Variants in NRCAM observed in about 807,000 individuals in gnomAD.
NRCAM encodes the protein NgCAM-related cell adhesion molecule.
In NRCAM, 83 loss-of-function variants were observed where a neutral mutation model predicts 156.5. The observed-to-expected ratio is 0.53, with a 90% CI of 0.44 to 0.64. NRCAM has a LOEUF of 0.64. Ranked by LOEUF, NRCAM falls within the 30% of genes least tolerant of loss-of-function variation. The pLI is 0.00. For synonymous variants in NRCAM, 538 were observed against 563.9 expected (o/e 0.95, Z 0.65); for missense variants, 1,417 against 1,597.3 (o/e 0.89, Z 1.92).
At chr7:108,445,415 C>T (rs1843126712) in intron 1 of NRCAM, among the ~76,000 whole-genome samples, 1 of 152,128 alleles carries the variant, frequency 6.6e-6, no homozygotes, top group African/African-American at 2.4e-5. Context: ...AGTGCAAGAC[C>T]ACTTCATTTA....
intron 1 of NRCAM, among the ~76,000 whole-genome samples, chr7:108,403,699 T>C (rs978353379): frequency 1.3e-5 from 2 of 152,158 alleles, no homozygotes; most frequent in Non-Finnish European, 2.9e-5. Flanking sequence ...GTTGAGATAA[T>C]TGGTAACATG....
In NRCAM at chr7:108,188,029, C is replaced by T. The variant is rs531095328; in HGVS notation, c.2035+1616G>A. On this transcript the variant is annotated intron_variant, in intron 20 of 32. Coordinates refer to ENST00000379028, the MANE Select transcript of NRCAM (RefSeq NM_001037132.4). Reference sequence around the variant, plus strand: ...AAAAAAGGGAGAGGAAGCAAGGAAGCCTGAAGGAGGGAAGACCTTCAGACC... The same window carrying T: ...AAAAAAGGGAGAGGAAGCAAGGAAGTCTGAAGGAGGGAAGACCTTCAGACC... Among the ~76,000 whole-genome samples, 13 of 152,096 alleles carry T rather than the reference C, an allele frequency of 8.5e-5. No individual in the cohort carries two copies. The East Asian group carries it at 2.3e-3, about 27-fold the overall frequency.
chr7:108,247,336 T>C (rs917180398), intron 3 of NRCAM, among the ~76,000 whole-genome samples: 2 of 152,210 alleles, frequency 1.3e-5, no homozygotes, highest in Non-Finnish European at 2.9e-5. Context: ...GGACTGATGA[T>C]CCAAATGTGC....
intron 3 of NRCAM, among the ~76,000 whole-genome samples, chr7:108,278,481 G>A (rs949811897): frequency 6.6e-5 from 10 of 152,150 alleles, no homozygotes; most frequent in Non-Finnish European, 1.3e-4. Flanking sequence ...GCCCCTCCCC[G>A]CACCAAGCTC....
chr7:108,169,143 G>A (rs886225957), intron 28 of NRCAM, among the ~76,000 whole-genome samples: 7 of 152,118 alleles, frequency 4.6e-5, no homozygotes, highest in African/African-American at 1.7e-4. Context: ...TTGTTACAAA[G>A]CATTTTCTGA....
At chr7:108,324,257 T>G (rs1474516755) in intron 2 of NRCAM, among the ~76,000 whole-genome samples, 1 of 121,326 alleles carries the variant, frequency 8.2e-6, no homozygotes, top group Non-Finnish European at 1.9e-5. Flanking sequence ...CAGAGGTTAG[T>G]GGCATGATCC....
At chr7:108,177,657 A>ACGTG (rs2061335108) in intron 26 of NRCAM, among the ~76,000 whole-genome samples, 4 of 16,806 alleles carry the variant, frequency 2.4e-4, no homozygotes, top group African/African-American at 3.2e-4. Flanking sequence ...ATATATATAT[A>ACGTG]TATGTATATA....
intron 2 of NRCAM, among the ~76,000 whole-genome samples, chr7:108,346,211 C>T (rs1030459830): frequency 1.3e-5 from 2 of 152,158 alleles, no homozygotes; most frequent in African/African-American, 4.8e-5. Flanking sequence ...TTTGAGATAT[C>T]ACATCCAATC....
At chr7:108,385,082 C>T (rs1024082781) in intron 2 of NRCAM, among the ~76,000 whole-genome samples, 4 of 152,194 alleles carry the variant, frequency 2.6e-5, no homozygotes, top group Admixed American at 2.6e-4. Flanking sequence ...GCATCTGATC[C>T]TAAGCAAGTG....
At chr7:108,300,113 T>A (rs191698901) in intron 3 of NRCAM, among the ~76,000 whole-genome samples, 1 of 150,754 alleles carries the variant, frequency 6.6e-6, no homozygotes, top group Admixed American at 6.6e-5. Flanking sequence ...CCTGTTAAGA[T>A]ATTACTGCCT....
chr7:108,299,119 AAAG>A, intron 3 of NRCAM, among the ~76,000 whole-genome samples: 2 of 99,662 alleles, frequency 2.0e-5, no homozygotes, highest in African/African-American at 7.7e-5. Context: ...AAAAAAAAAG[AAAG>A]AAAGAAAGAA....
rs533924250 is a variant in NRCAM, at chr7:108,447,649, T to TGG, written c.-332+8592_-332+8593dup. ...GGAACAAAACAGCTGGAAAATAGAG[T>TGG]GGATTTGGCTAGGAATTTAAGCATG... On this transcript the variant is annotated intron_variant, in intron 1 of 32. Coordinates refer to ENST00000379028, the MANE Select transcript of NRCAM (RefSeq NM_001037132.4). 8.3e-4 allele frequency among the ~76,000 whole-genome samples: 126 copies of TGG among 152,172 alleles called. 1 individual carries two copies. Among genetic ancestry groups the TGG allele is most frequent in the African/African-American group, 3.0e-3 (123 of 41,496 alleles).
chr7:108,230,234 C>T (rs2094137971), intron 8 of NRCAM, among the ~76,000 whole-genome samples: 1 of 151,720 alleles, frequency 6.6e-6, no homozygotes, highest in African/African-American at 2.4e-5. Context: ...TGCTCCCACC[C>T]CCACCCCAGT....
chr7:108,299,323 T>C (rs2098542952), intron 3 of NRCAM, among the ~76,000 whole-genome samples: 1 of 151,708 alleles, frequency 6.6e-6, no homozygotes, highest in Non-Finnish European at 1.5e-5. Context: ...GTGACAGCTC[T>C]AGGAAAGAAG....
At chr7:108,388,988 AGCAT>A (rs1407393129) in intron 2 of NRCAM, among the ~76,000 whole-genome samples, 1 of 152,190 alleles carries the variant, frequency 6.6e-6, no homozygotes, top group Non-Finnish European at 1.5e-5. Flanking sequence ...GAAGTCAGGT[AGCAT>A]GATGCCTCCA....
chr7:108,432,266 G>C (rs973929237), intron 1 of NRCAM, among the ~76,000 whole-genome samples: 4 of 152,164 alleles, frequency 2.6e-5, no homozygotes, highest in Non-Finnish European at 5.9e-5. Context: ...CTTTAATATG[G>C]ATTACTTAAA....
intron 1 of NRCAM, among the ~76,000 whole-genome samples, chr7:108,450,903 T>C (rs866957823): frequency 3.3e-5 from 5 of 152,280 alleles, no homozygotes; most frequent in African/African-American, 9.6e-5. Flanking sequence ...TCAGAATATA[T>C]AGATATTAAT....
chr7:108,168,415 T>C lies in NRCAM; in HGVS notation c.3188-13A>G, dbSNP rs747586805. On this transcript the variant is annotated splice_polypyrimidine_tract_variant and intron_variant, in intron 28 of 32. Transcript: ENST00000379028. Reference sequence around the variant, plus strand: ...TTTACTGCTTGAACTAAACATACAATAGAAAAATAAAACAAACAATCATAT... The same window carrying C: ...TTTACTGCTTGAACTAAACATACAACAGAAAAATAAAACAAACAATCATAT... 4.4e-6 allele frequency: 7 copies of C among 1,583,862 alleles called. No individual in the cohort carries two copies. The highest frequency in any genetic ancestry group is 1.4e-5 in the African/African-American group (1 of 73,302).
chr7:108,337,574 T>A (rs532754570), intron 2 of NRCAM, among the ~76,000 whole-genome samples: 1 of 152,220 alleles, frequency 6.6e-6, no homozygotes, highest in Non-Finnish European at 1.5e-5. Context: ...AGGTTCATCC[T>A]AATTGAGCTG....
Sources: gnomAD v4.1 joint callset for allele counts (sites outside exome capture counted in the v4.1 genomes callset) on GRCh38, gnomAD v4.1.1 for gene constraint, MANE v1.5 for transcripts, NCBI Gene and HGNC (gene_info 2026-07-23, HGNC 2026-07-21) for gene names.